Variants in ZNF362 observed in about 807,000 individuals in gnomAD.
ZNF362 encodes the protein rotund homolog.
In ZNF362, 11 loss-of-function variants were observed where a neutral mutation model predicts 42.9. That is an observed-to-expected ratio of 0.26 (90% confidence interval 0.16 to 0.42). The LOEUF is 0.42. ZNF362 is among the 20% of genes least tolerant of loss of function. The probability of loss-of-function intolerance (pLI) is 1.00; values close to 1 mark genes in which losing one functional copy is unlikely to be tolerated. For synonymous variants in ZNF362, 255 were observed against 257.3 expected (o/e 0.99, Z 0.09); for missense variants, 362 against 576.2 (o/e 0.63, Z 3.81).
At chr1:33,236,550 A>AAAAAAAAAAAAAAAATAT in the ZNF362 span, among the ~76,000 whole-genome samples, 3 of 5,978 alleles carry the variant, frequency 5.0e-4, no homozygotes, top group African/African-American at 7.8e-4. Context: ...AAAAAAAAAA[A>AAAAAAAAAAAAAAAATAT]ATATATATAT....
the ZNF362 span, among the ~76,000 whole-genome samples, chr1:33,181,828 T>A: frequency 1.8e-4 from 1 of 5,686 alleles, no homozygotes; most frequent in African/African-American, 8.5e-4. This position sits in a 1 kb window ranked among gnomAD's most constrained non-coding sequence, Gnocchi z 6.5. Context: ...AATCCCGGGG[T>A]GGGGGCGGTG....
intron 1 of ZNF362, among the ~76,000 whole-genome samples, chr1:33,267,987 C>T (rs1235880548): frequency 6.6e-6 from 1 of 152,194 alleles, no homozygotes; most frequent in African/African-American, 2.4e-5. Context: ...CATGAGCGTG[C>T]CAATTTCACC....
chr1:33,246,715 T>G, the ZNF362 span, among the ~76,000 whole-genome samples: 1 of 152,232 alleles, frequency 6.6e-6, no homozygotes. Flanking sequence ...CGTGCAGGAA[T>G]TTTGTTTTAG....
chr1:33,281,567 A>G lies in ZNF362; in HGVS notation c.684-20A>G. The G allele has an allele frequency of 1.2e-6, 2 of 1,613,266 alleles. No individual in the cohort carries two copies. The highest frequency in any genetic ancestry group is 2.2e-5 in the South Asian group (2 of 91,056). ...CAGTCTGGGGGATCTTCCCACGTGA[A>G]CCTGTCTCTTGCTCCGCAGGTGTAA... On this transcript the variant is annotated intron_variant, in intron 5 of 8. Coordinates refer to ENST00000539719, the MANE Select transcript of ZNF362 (RefSeq NM_152493.3). The surrounding 1 kb of genome is among the most constrained non-coding windows in gnomAD (Gnocchi z 4.8).
chr1:33,158,140 C>G, the ZNF362 span: 1 of 919,492 alleles, frequency 1.1e-6, no homozygotes, highest in East Asian at 2.5e-5. Flanking sequence ...AGGTGCTCAG[C>G]AAGGCACTCT....
At chr1:33,251,559 T>C (rs1291744885), upstream of ZNF362, among the ~76,000 whole-genome samples, 1 of 152,190 alleles carries the variant, frequency 6.6e-6, no homozygotes, top group Non-Finnish European at 1.5e-5. Context: ...ACATCTCTGC[T>C]TAACACCTTC....
the ZNF362 span, among the ~76,000 whole-genome samples, chr1:33,208,313 G>A: frequency 6.6e-6 from 1 of 152,276 alleles, no homozygotes; most frequent in African/African-American, 2.4e-5. Context: ...CCAGTACTAT[G>A]CTGTTTTGGT....
At chr1:33,141,679 AG>A in the ZNF362 span, among the ~76,000 whole-genome samples, 33 of 152,170 alleles carry the variant, frequency 2.2e-4, no homozygotes, top group African/African-American at 7.2e-4. Context: ...ATTTCAAGGG[AG>A]GGGGGAGCAT....
chr1:33,130,721 T>C, the ZNF362 span, among the ~76,000 whole-genome samples: 1 of 152,160 alleles, frequency 6.6e-6, no homozygotes, highest in Non-Finnish European at 1.5e-5. Context: ...AATTTTAAGG[T>C]AATTTGTTAG....
At chr1:33,168,387 C>CTT in the ZNF362 span, among the ~76,000 whole-genome samples, 10 of 150,572 alleles carry the variant, frequency 6.6e-5, no homozygotes, top group South Asian at 2.1e-4. Context: ...CTGAGAAAAA[C>CTT]TTTTTTTTTT....
chr1:33,218,322 TC>T, the ZNF362 span, among the ~76,000 whole-genome samples: 2 of 152,130 alleles, frequency 1.3e-5, no homozygotes, highest in African/African-American at 2.4e-5. Context: ...ATGCCTATGG[TC>T]CACGCTACTT....
At chr1:33,159,326 C>G in the ZNF362 span, among the ~76,000 whole-genome samples, 2 of 152,012 alleles carry the variant, frequency 1.3e-5, no homozygotes, top group Non-Finnish European at 2.9e-5. This position sits in a 1 kb window ranked among gnomAD's most constrained non-coding sequence, Gnocchi z 4.2. Context: ...ATGCTACCTA[C>G]TATCTATAAT....
intron 1 of ZNF362, among the ~76,000 whole-genome samples, chr1:33,263,611 ATGTTGGTCAGGCTG>A (rs1645844488): frequency 6.6e-6 from 1 of 152,110 alleles, no homozygotes; most frequent in African/African-American, 2.4e-5. Context: ...GGGTTTTGCC[ATGTTGGTCAGGCTG>A]GTCTCAAACT....
At chr1:33,288,581 A>G (rs1239570385) in intron 6 of ZNF362, among the ~76,000 whole-genome samples, 4 of 151,652 alleles carry the variant, frequency 2.6e-5, no homozygotes, top group African/African-American at 9.7e-5. Context: ...GTGGTCTACT[A>G]AAAATACAAA....
At chr1:33,234,235 A>G in the ZNF362 span, among the ~76,000 whole-genome samples, 1 of 152,090 alleles carries the variant, frequency 6.6e-6, no homozygotes, top group Non-Finnish European at 1.5e-5. Flanking sequence ...TACACAAGTT[A>G]CTTCACCTCC....
chr1:33,140,258 C>T, the ZNF362 span, among the ~76,000 whole-genome samples: 21 of 152,196 alleles, frequency 1.4e-4, no homozygotes, highest in Admixed American at 6.5e-4. The surrounding 1 kb of genome is among the most constrained non-coding windows in gnomAD (Gnocchi z 4.0). Context: ...GAGTCAGAGA[C>T]GGAGCTGGGG....
At chr1:33,127,601 G>T in the ZNF362 span, among the ~76,000 whole-genome samples, 1 of 152,240 alleles carries the variant, frequency 6.6e-6, no homozygotes, top group East Asian at 1.9e-4. Flanking sequence ...AACACCGGAA[G>T]TGGGCTTATT....
At chr1:33,187,930 A>C in the ZNF362 span, among the ~76,000 whole-genome samples, 1 of 152,158 alleles carries the variant, frequency 6.6e-6, no homozygotes, top group Non-Finnish European at 1.5e-5. Flanking sequence ...CTATTGTCTC[A>C]AGTATAGAAA....
the ZNF362 span, among the ~76,000 whole-genome samples, chr1:33,144,339 C>T: frequency 2.6e-5 from 4 of 152,164 alleles, no homozygotes; most frequent in African/African-American, 4.8e-5. Context: ...GGTTTCTCCA[C>T]GTTGGTCAGG....
Sources: allele counts gnomAD v4.1 joint callset (sites outside exome capture counted in the v4.1 genomes callset), GRCh38; gene constraint gnomAD v4.1.1; non-coding constraint Gnocchi (gnomAD v3.1); transcripts MANE v1.5; gene names NCBI Gene and HGNC (gene_info 2026-07-23, HGNC 2026-07-21).